ARID2: variants seen among roughly 807,000 people sequenced by gnomAD.
ARID2 encodes the protein AT-rich interaction domain 2.
Under a neutral mutation model 184.6 loss-of-function variants are expected in ARID2, and 32 were observed. The ratio of observed to expected loss-of-function variants is 0.17; its 90% CI spans 0.13 to 0.23. ARID2 has a LOEUF of 0.23. Among genes scored for constraint, ARID2 ranks in the 10% least tolerant of loss-of-function variants. ARID2 has a pLI of 1.00. For synonymous variants in ARID2, 836 were observed against 772.6 expected (o/e 1.08, Z -1.36); for missense variants, 1,696 against 2,197.6 (o/e 0.77, Z 4.56).
intron 6 of ARID2, among the ~76,000 whole-genome samples, chr12:45,832,175 G>C (rs1316368164): frequency 6.6e-6 from 1 of 152,044 alleles, no homozygotes; most frequent in Non-Finnish European, 1.5e-5. Context: ...GGATATTTTT[G>C]ATGCATATAA....
intron 4 of ARID2, among the ~76,000 whole-genome samples, chr12:45,817,021 A>G (rs992571780): frequency 7.2e-5 from 11 of 152,340 alleles, no homozygotes; most frequent in Admixed American, 5.9e-4. Context: ...TGTTAATGAT[A>G]TTGCAGTAAT....
rs1944329235 is a variant in ARID2, at chr12:45,893,420, G to C, written c.5148G>C (p.Lys1716Asn). 1.2e-6 allele frequency: 2 copies of C among 1,610,544 alleles called. No individual in the cohort carries two copies. Among genetic ancestry groups the C allele is most frequent in the Non-Finnish European group, 8.5e-7 (1 of 1,178,212 alleles). Residue 1716 changes from lysine (K) to asparagine (N), a missense_variant and splice_region_variant, in exon 19 of 21, where the codon AAG becomes AAC. Lys to Asn is a moderately conservative substitution (Grantham distance 94). Around this residue, in one of 11 missense-constraint regions of ARID2, gnomAD observed 58 missense variants for 47.1 expected, o/e 1.23. Transcript: ENST00000334344. ...CTCTCTCTCTCTCTGATCAATTTAG[G>C]CAGCCAACTGTAGGGGGCACAAGCT... is the stretch of plus-strand genomic sequence containing the variant. Reference protein sequence around the residue: ...GQAGSQKSSTKQPTVGGTSST... With the variant: ...GQAGSQKSSTNQPTVGGTSST...
intron 3 of ARID2, among the ~76,000 whole-genome samples, chr12:45,732,596 A>C (rs955905637): frequency 6.6e-6 from 1 of 152,210 alleles, no homozygotes; most frequent in Non-Finnish European, 1.5e-5. Context: ...TGGGGTGAGA[A>C]ACAAGAGAGT....
intron 18 of ARID2, 128 bp downstream of exon 18, chr12:45,892,224 C>A: frequency 1.2e-6 from 1 of 851,890 alleles, no homozygotes. Flanking sequence ...CTGCCATGAA[C>A]CAGCAATGTG....
At chr12:45,870,444 A>G (rs1054130759) in intron 16 of ARID2, among the ~76,000 whole-genome samples, 1 of 152,110 alleles carries the variant, frequency 6.6e-6, no homozygotes, top group African/African-American at 2.4e-5. Flanking sequence ...GCCAATATTG[A>G]TACACTAGTA....
intron 3 of ARID2, among the ~76,000 whole-genome samples, chr12:45,771,878 C>T (rs1555143909): frequency 6.6e-6 from 1 of 151,898 alleles, no homozygotes; most frequent in Non-Finnish European, 1.5e-5. Flanking sequence ...TCCCTTTGCT[C>T]TTTTTATTCT....
chr12:45,876,331 A>C (rs1033111435), intron 16 of ARID2, among the ~76,000 whole-genome samples: 2 of 152,130 alleles, frequency 1.3e-5, no homozygotes, highest in African/African-American at 4.8e-5. Context: ...CGGGTGGATC[A>C]CGTGAGGTTG....
At chr12:45,836,689 T>A (rs2138125974) in intron 7 of ARID2, 34 bp downstream of exon 7, 1 of 1,601,920 alleles carries the variant, frequency 6.2e-7, no homozygotes, top group Non-Finnish European at 8.5e-7. Context: ...TTCAAAACCT[T>A]TGAAGTATTA....
chr12:45,803,544 C>T (rs940617623), intron 3 of ARID2, among the ~76,000 whole-genome samples: 2 of 152,122 alleles, frequency 1.3e-5, no homozygotes, highest in African/African-American at 2.4e-5. Flanking sequence ...CATCACGTAA[C>T]AAAAAGTACA....
chr12:45,859,809 C>T (rs764883530), intron 15 of ARID2, among the ~76,000 whole-genome samples: 5 of 152,216 alleles, frequency 3.3e-5, no homozygotes, highest in African/African-American at 1.2e-4. Flanking sequence ...TCTCAGCTCA[C>T]TGCAACCTCT....
At chr12:45,879,585 T>G (rs1174524870) in intron 16 of ARID2, among the ~76,000 whole-genome samples, 1 of 152,214 alleles carries the variant, frequency 6.6e-6, no homozygotes, top group Non-Finnish European at 1.5e-5. Context: ...CAAGGGTCTC[T>G]CCAGCTTTCA....
At chr12:45,758,217 G>C (rs950097082) in intron 3 of ARID2, among the ~76,000 whole-genome samples, 5 of 152,044 alleles carry the variant, frequency 3.3e-5, no homozygotes, top group African/African-American at 1.2e-4. Flanking sequence ...AACATTAAAG[G>C]CATTTCATTA....
At chr12:45,790,061 A>T (rs1942267019) in intron 3 of ARID2, among the ~76,000 whole-genome samples, 1 of 152,204 alleles carries the variant, frequency 6.6e-6, no homozygotes, top group Non-Finnish European at 1.5e-5. Flanking sequence ...CTTTAATTGG[A>T]ACCTTCCTCT....
intron 16 of ARID2, among the ~76,000 whole-genome samples, chr12:45,869,668 A>AG (rs1269753009): frequency 2.0e-5 from 3 of 151,924 alleles, no homozygotes; most frequent in Non-Finnish European, 4.4e-5. Flanking sequence ...GGATCACTTG[A>AG]GGTCAGGAGT....
chr12:45,738,011 A>T (rs184951351), intron 3 of ARID2, among the ~76,000 whole-genome samples: 1 of 152,316 alleles, frequency 6.6e-6, no homozygotes, highest in Admixed American at 6.5e-5. Context: ...AATTTGGATT[A>T]AAAAAATTAA....
intron 6 of ARID2, among the ~76,000 whole-genome samples, chr12:45,825,354 A>G (rs1346464551): frequency 1.3e-5 from 2 of 152,162 alleles, no homozygotes. Flanking sequence ...CAGGTACCCC[A>G]TAAGTACATA....
chr12:45,738,382 T>A (rs1173807708), intron 3 of ARID2, among the ~76,000 whole-genome samples: 1 of 152,206 alleles, frequency 6.6e-6, no homozygotes, highest in Non-Finnish European at 1.5e-5. Context: ...TGGCATGATC[T>A]TGGCTCACTG....
At chr12:45,766,891 C>G (rs1245040160) in intron 3 of ARID2, among the ~76,000 whole-genome samples, 1 of 150,182 alleles carries the variant, frequency 6.7e-6, no homozygotes, top group Non-Finnish European at 1.5e-5. Flanking sequence ...TCACTTGAAC[C>G]TGGGAGGCAG....
intron 13 of ARID2, 79 bp downstream of exon 13, chr12:45,849,049 A>T: frequency 1.4e-6 from 2 of 1,454,452 alleles, no homozygotes; most frequent in Non-Finnish European, 1.9e-6. Flanking sequence ...AATACCAAAT[A>T]TCTTATCTAG....
Sources: allele counts gnomAD v4.1 joint callset (sites outside exome capture counted in the v4.1 genomes callset), GRCh38; gene constraint gnomAD v4.1.1; regional missense constraint gnomAD v4.1.1; transcripts MANE v1.5; gene names NCBI Gene and HGNC (gene_info 2026-07-23, HGNC 2026-07-21).